MYLK3: variants seen among roughly 807,000 people sequenced by gnomAD.
MYLK3 encodes the protein MLC kinase.
A neutral mutation model predicts 76.3 loss-of-function variants in MYLK3; 55 were observed. The observed-to-expected ratio is 0.72, with a 90% CI of 0.58 to 0.90. The LOEUF is 0.90. MYLK3 is among the 40% of genes least tolerant of loss of function. MYLK3 has a pLI of 0.00. For synonymous variants in MYLK3, 416 were observed against 425.4 expected, an observed-to-expected ratio of 0.98 and a Z score of 0.27; for missense variants, 973 against 1,053.6, an observed-to-expected ratio of 0.92 and a Z score of 1.06.
intron 1 of MYLK3, chr16:46,757,478 G>A (rs973751982): frequency 6.1e-5 from 60 of 985,304 alleles, no homozygotes; most frequent in Non-Finnish European, 6.5e-5. Context: ...CTGGGACCGC[G>A]CAGTGCTGGA....
At chr16:46,717,849 G>C (rs780828694) in intron 9 of MYLK3, among the ~76,000 whole-genome samples, 1 of 152,292 alleles carries the variant, frequency 6.6e-6, no homozygotes, top group Admixed American at 6.5e-5. Context: ...CCTGCCAACC[G>C]CTCAGAAAAG....
chr16:46,759,304 A>T lies in MYLK3; in HGVS notation c.-114+3736T>A, dbSNP rs547781081. ...TGAAAATGCTAGAGAATAACAAAAA[A>T]GCACCCCCTGAAGCTAAATCCAGAC... On this transcript the variant is annotated intron_variant, in intron 1 of 11. Transcript: ENST00000536476. 2.0e-5 allele frequency among the ~76,000 whole-genome samples: 3 copies of T among 152,384 alleles called. No homozygotes were observed. In the South Asian group the frequency reaches 6.2e-4, roughly 32 times the overall value.
chr16:46,755,194 T>C (rs1393139233), intron 1 of MYLK3, among the ~76,000 whole-genome samples: 2 of 152,152 alleles, frequency 1.3e-5, no homozygotes, highest in Admixed American at 1.3e-4. Flanking sequence ...CCACCACACC[T>C]GACCCACGCA....
chr16:46,744,032 T>A (rs1290217901), intron 1 of MYLK3, among the ~76,000 whole-genome samples: 1 of 152,086 alleles, frequency 6.6e-6, no homozygotes, highest in African/African-American at 2.4e-5. Context: ...AACTGTAAAT[T>A]TTATTTTATT....
chr16:46,755,020 C>A (rs1238187256), intron 1 of MYLK3, among the ~76,000 whole-genome samples: 3 of 151,938 alleles, frequency 2.0e-5, no homozygotes, highest in Non-Finnish European at 2.9e-5. Context: ...CTCAGCCTCC[C>A]AAGTAGCCAG....
intron 3 of MYLK3, among the ~76,000 whole-genome samples, chr16:46,735,469 G>A (rs1966864124): frequency 6.6e-6 from 1 of 152,140 alleles, no homozygotes; most frequent in African/African-American, 2.4e-5. Context: ...GCCTCCCAAA[G>A]TGCTGGGATT....
intron 10 of MYLK3, among the ~76,000 whole-genome samples, chr16:46,712,204 T>C (rs1284802036): frequency 6.6e-6 from 1 of 151,592 alleles, no homozygotes; most frequent in Non-Finnish European, 1.5e-5. Flanking sequence ...GTTGCCCAGG[T>C]TGGTCTTGAA....
In MYLK3 at chr16:46,705,615, T is replaced by C. The variant is rs1332262429; in HGVS notation, c.*2089A>G. The C allele has an allele frequency of 6.6e-6, 1 of 152,240 alleles. No homozygotes were observed. Among genetic ancestry groups the C allele is most frequent in the Non-Finnish European group, 1.5e-5 (1 of 68,042 alleles). The allele number at this position is 152,240 out of a possible 1,614,324, so 9.4% of individuals were successfully genotyped here. On this transcript the variant is annotated 3_prime_UTR_variant, in exon 13 of 13. Transcript: ENST00000394809. Reference sequence around the variant, plus strand: ...GTAGAAGTAAGGAAATTTTAAAGATTGTATATTTTTTCATAATAAAGTACT... The same window carrying C: ...GTAGAAGTAAGGAAATTTTAAAGATCGTATATTTTTTCATAATAAAGTACT...
chr16:46,740,243 G>A, intron 1 of MYLK3, 96 bp from the exon 2 acceptor site: 2 of 930,850 alleles, frequency 2.1e-6, no homozygotes, highest in South Asian at 1.4e-5. Flanking sequence ...TTTAAGATAA[G>A]GGCATTTAGA....
At chr16:46,741,865 G>A (rs1966936918) in intron 1 of MYLK3, among the ~76,000 whole-genome samples, 1 of 151,944 alleles carries the variant, frequency 6.6e-6, no homozygotes, top group African/African-American at 2.4e-5. Flanking sequence ...CGACCTTCCA[G>A]GATTAAGTGA....
chr16:46,712,765 C>G lies in MYLK3; in HGVS notation c.1997G>C (p.Arg666Pro). 1 of 1,597,500 alleles carries G rather than the reference C, an allele frequency of 6.3e-7. No individual in the cohort carries two copies. ...DFGLARRYKP[R>P]EKLKVNFGTP... ...GCCGAAGTTCACCTTCAGCTTCTCT[C>G]GAGGCTTGTACCTGGGGAGAAGGGG... Residue 666 changes from arginine to proline, a missense_variant, in exon 10 of 13, where the codon CGA becomes CCA. Arg to Pro is a moderately radical substitution (Grantham distance 103, BLOSUM62 -2). Around this residue, in one of 2 missense-constraint regions of MYLK3, gnomAD observed 332 missense variants for 416.6 expected, o/e 0.80. Coordinates refer to ENST00000394809, the MANE Select transcript of MYLK3 (RefSeq NM_182493.3).
chr16:46,742,891 A>T (rs1021706198), intron 1 of MYLK3, among the ~76,000 whole-genome samples: 4 of 152,194 alleles, frequency 2.6e-5, no homozygotes, highest in African/African-American at 7.2e-5. Context: ...AGCTGGGGGA[A>T]CTGGAGGCAT....
Position 46,709,631 on chromosome 16 carries a change from G to C in MYLK3, c.2308C>G (p.Leu770Val). 1 of 1,614,134 alleles carries C rather than the reference G, an allele frequency of 6.2e-7. No individual in the cohort carries two copies. The highest frequency in any genetic ancestry group is 8.5e-7 in the Non-Finnish European group (1 of 1,180,018). ...GAAGCTTTGGCAGGCAAATTATTCA[G>C]CCACTCGTGTTTCAGGCACTGTGTG... is the stretch of plus-strand genomic sequence containing the variant. ...SATQCLKHEWLNNLPAKASRS... is the reference protein window; with the variant it reads ...SATQCLKHEWVNNLPAKASRS... Residue 770 changes from leucine (L) to valine (V), a missense_variant, in exon 12 of 13, where the codon CTG becomes GTG. This residue lies in a region of MYLK3 where 332 missense variants were observed against 416.6 expected (regional missense o/e 0.80). Coordinates refer to ENST00000394809, the MANE Select transcript of MYLK3 (RefSeq NM_182493.3).
At chr16:46,759,680 T>C (rs1025598616) in intron 1 of MYLK3, among the ~76,000 whole-genome samples, 8 of 151,740 alleles carry the variant, frequency 5.3e-5, no homozygotes, top group Non-Finnish European at 1.2e-4. Flanking sequence ...CAGGCTGGAG[T>C]GAAGAGGCGC....
At chr16:46,737,157 G>C (rs968772925) in intron 3 of MYLK3, among the ~76,000 whole-genome samples, 5 of 152,184 alleles carry the variant, frequency 3.3e-5, no homozygotes, top group Non-Finnish European at 7.3e-5. Context: ...TCCGGAATCC[G>C]GTAACCCGGA....
rs758059819 is a variant in MYLK3, at chr16:46,737,787, C to T, written c.925G>A (p.Gly309Ser). The T allele has an allele frequency of 1.9e-6, 3 of 1,612,018 alleles. No individual in the cohort carries two copies. Among genetic ancestry groups the T allele is most frequent in the African/African-American group, 1.3e-5 (1 of 74,902 alleles). The change falls in exon 3 of 13, where the codon GGC becomes AGC. Residue 309 changes from glycine to serine, a missense_variant. Around this residue, in one of 2 missense-constraint regions of MYLK3, gnomAD observed 641 missense variants for 637.0 expected, o/e 1.01. Coordinates refer to ENST00000394809, the MANE Select transcript of MYLK3 (RefSeq NM_182493.3). ...CCTGGAGGCCCTGGGCACTGAGGGCCAGGCCCTGGAGTCAGCCTCGTGCCT... is the reference window on the plus strand; with the variant it reads ...CCTGGAGGCCCTGGGCACTGAGGGCTAGGCCCTGGAGTCAGCCTCGTGCCT... Reference protein sequence around the residue: ...EEGTRLTPGPGPQCPGPPGLP... With the variant: ...EEGTRLTPGPSPQCPGPPGLP...
chr16:46,748,360 C>A, upstream of MYLK3: 1 of 1,256,990 alleles, frequency 8.0e-7, no homozygotes, highest in Non-Finnish European at 1.1e-6. The surrounding 1 kb of genome is among the most constrained non-coding windows in gnomAD (Gnocchi z 4.3). Context: ...GCGCAGAGGC[C>A]CAGGTTCTTC....
intron 3 of MYLK3, among the ~76,000 whole-genome samples, chr16:46,737,022 C>T (rs2143015678): frequency 6.6e-6 from 1 of 152,364 alleles, no homozygotes; most frequent in Admixed American, 6.5e-5. Flanking sequence ...GCTCCTGGGG[C>T]TGACTCAGCC....
chr16:46,741,495 C>T (rs1320279340), intron 1 of MYLK3, among the ~76,000 whole-genome samples: 1 of 152,224 alleles, frequency 6.6e-6, no homozygotes, highest in African/African-American at 2.4e-5. Context: ...CATGGTGCTT[C>T]TGGGGTTTGG....
Sources: gnomAD v4.1 joint callset for allele counts (sites outside exome capture counted in the v4.1 genomes callset) on GRCh38, gnomAD v4.1.1 for gene constraint, gnomAD v4.1.1 regional missense constraint, Gnocchi (gnomAD v3.1) non-coding constraint, MANE v1.5 for transcripts, NCBI Gene and HGNC (gene_info 2026-07-23, HGNC 2026-07-21) for gene names.